GLI2: variants seen among roughly 807,000 people sequenced by gnomAD.
The protein encoded by GLI2 is transcription activator GLI2.
GLI2 carries 22 observed loss-of-function variants against 78.9 expected under a neutral mutation model. The ratio of observed to expected loss-of-function variants is 0.28; its 90% CI spans 0.20 to 0.40. GLI2 has a LOEUF of 0.40. GLI2 is among the 10% of genes least tolerant of loss of function. GLI2 has a pLI of 1.00. For synonymous variants in GLI2, 974 were observed against 963.7 expected (o/e 1.01, Z -0.20); for missense variants, 2,097 against 2,213.2 (o/e 0.95, Z 1.05).
At chr2:120,781,532 C>T (rs889396634) in intron 1 of GLI2, among the ~76,000 whole-genome samples, 1 of 152,220 alleles carries the variant, frequency 6.6e-6, no homozygotes, top group Non-Finnish European at 1.5e-5. Flanking sequence ...AATATTTTCT[C>T]TGTATTTATT....
At chr2:120,896,523 T>TA (rs1192274111) in intron 2 of GLI2, among the ~76,000 whole-genome samples, 1 of 152,132 alleles carries the variant, frequency 6.6e-6, no homozygotes, top group East Asian at 1.9e-4. Flanking sequence ...AAGGCCCTAG[T>TA]GCTGGTGTGG....
At chr2:120,788,095 C>G (rs572226253) in intron 1 of GLI2, among the ~76,000 whole-genome samples, 1 of 152,338 alleles carries the variant, frequency 6.6e-6, no homozygotes, top group South Asian at 2.1e-4. Context: ...GTGAGACATT[C>G]TGTTTATCCC....
intron 3 of GLI2, among the ~76,000 whole-genome samples, chr2:120,935,944 T>A (rs151135548): frequency 0.035 from 5,371 of 152,212 alleles, 117 homozygotes; most frequent in Middle Eastern, 0.065. Flanking sequence ...GCCGTGGTGG[T>A]CAGCCGAGAG....
intron 5 of GLI2, among the ~76,000 whole-genome samples, chr2:120,967,300 C>T (rs1226712134): frequency 6.6e-6 from 1 of 152,224 alleles, no homozygotes; most frequent in Non-Finnish European, 1.5e-5. Context: ...TCTCACGCTT[C>T]GCCTAATTTA....
chr2:120,806,980 G>A (rs1433631479), intron 2 of GLI2, among the ~76,000 whole-genome samples: 1 of 152,238 alleles, frequency 6.6e-6, no homozygotes, highest in African/African-American at 2.4e-5. Flanking sequence ...CAGTGATCCA[G>A]GAAAACATTA....
intron 1 of GLI2, among the ~76,000 whole-genome samples, chr2:120,738,905 G>C (rs1023510212): frequency 1.3e-5 from 2 of 152,178 alleles, no homozygotes; most frequent in African/African-American, 4.8e-5. Context: ...TGGAGTTAGC[G>C]AGGCCCTTGT....
At chr2:120,798,808 G>GT (rs1684544156) in intron 2 of GLI2, among the ~76,000 whole-genome samples, 1 of 152,178 alleles carries the variant, frequency 6.6e-6, no homozygotes, top group African/African-American at 2.4e-5. Flanking sequence ...GGCCACACAT[G>GT]GTCTTTTCCT....
At chr2:120,809,372 G>A (rs1573409203) in intron 2 of GLI2, among the ~76,000 whole-genome samples, 3 of 152,200 alleles carry the variant, frequency 2.0e-5, no homozygotes, top group East Asian at 1.9e-4. Context: ...AAGAGGGAAT[G>A]GGGAATGATT....
intron 2 of GLI2, among the ~76,000 whole-genome samples, chr2:120,869,155 G>A (rs759544437): frequency 4.6e-5 from 7 of 152,174 alleles, no homozygotes; most frequent in Non-Finnish European, 1.0e-4. Flanking sequence ...TGGAATTCCT[G>A]AGAGTGGCCT....
At chr2:120,852,497 G>A (rs959480931) in intron 2 of GLI2, among the ~76,000 whole-genome samples, 16 of 152,162 alleles carry the variant, frequency 1.1e-4, no homozygotes, top group African/African-American at 2.7e-4. Context: ...CAATGAAGTC[G>A]AGGCAGGACT....
At chr2:120,952,344 G>T (rs576580861) in intron 4 of GLI2, among the ~76,000 whole-genome samples, 22 of 152,378 alleles carry the variant, frequency 1.4e-4, no homozygotes, top group Non-Finnish European at 2.8e-4. Flanking sequence ...AGCCCCATGG[G>T]CAGAGGCTCT....
intron 2 of GLI2, among the ~76,000 whole-genome samples, chr2:120,814,099 C>T (rs1654140632): frequency 6.6e-6 from 1 of 152,062 alleles, no homozygotes; most frequent in South Asian, 2.1e-4. Context: ...CAGCTCTAAA[C>T]ACCAATTGCT....
chr2:120,859,439 C>T (rs1687803172), intron 2 of GLI2, among the ~76,000 whole-genome samples: 1 of 147,052 alleles, frequency 6.8e-6, no homozygotes, highest in African/African-American at 2.5e-5. Flanking sequence ...AACAGCCCTA[C>T]AGATACTCCC....
At chr2:120,859,709 C>T (rs1687817941) in intron 2 of GLI2, among the ~76,000 whole-genome samples, 1 of 151,938 alleles carries the variant, frequency 6.6e-6, no homozygotes. Context: ...CCCGCCTTGG[C>T]CTCCTAAAGT....
intron 10 of GLI2, among the ~76,000 whole-genome samples, chr2:120,980,834 A>C (rs529007051): frequency 6.6e-6 from 1 of 152,100 alleles, no homozygotes; most frequent in South Asian, 2.1e-4. Context: ...GTGTATAGAG[A>C]GTTTTATAAT....
At chr2:120,746,144 G>A (rs1430504532) in intron 1 of GLI2, among the ~76,000 whole-genome samples, 1 of 152,224 alleles carries the variant, frequency 6.6e-6, no homozygotes, top group Non-Finnish European at 1.5e-5. Flanking sequence ...TCTTCAAGGG[G>A]CCACCTTGCA....
chr2:120,974,282 G>A (rs1682339173), intron 8 of GLI2, among the ~76,000 whole-genome samples: 1 of 152,122 alleles, frequency 6.6e-6, no homozygotes, highest in South Asian at 2.1e-4. Flanking sequence ...CCTCCTACCT[G>A]TCCTCATGTT....
intron 2 of GLI2, among the ~76,000 whole-genome samples, chr2:120,884,887 A>T (rs931628072): frequency 6.6e-6 from 1 of 152,022 alleles, no homozygotes; most frequent in African/African-American, 2.4e-5. Context: ...TCTTCCTGTA[A>T]TCTTCTCCCA....
chr2:120,940,893 G>A (rs1680417597), intron 3 of GLI2, among the ~76,000 whole-genome samples: 2 of 152,172 alleles, frequency 1.3e-5, no homozygotes, highest in African/African-American at 2.4e-5. Context: ...GGGTGCATGC[G>A]GGGCCCTGGC....
Sources: gnomAD v4.1 joint callset for allele counts (sites outside exome capture counted in the v4.1 genomes callset) on GRCh38, gnomAD v4.1.1 for gene constraint, MANE v1.5 for transcripts, NCBI Gene and HGNC (gene_info 2026-07-23, HGNC 2026-07-21) for gene names.